SBNO1: variants seen among roughly 807,000 people sequenced by gnomAD.
The protein encoded by SBNO1 is protein strawberry notch homolog 1.
In SBNO1, 23 loss-of-function variants were observed where a neutral mutation model predicts 173.6. That is an observed-to-expected ratio of 0.13 (90% CI 0.10 to 0.19). The LOEUF is 0.19. Ranked by LOEUF, SBNO1 falls within the 10% of genes least tolerant of loss-of-function variation. The probability of loss-of-function intolerance (pLI) is 1.00; values close to 1 mark genes in which losing one functional copy is unlikely to be tolerated. For missense variants in SBNO1, 1,238 were observed against 1,671.2 expected (o/e 0.74, Z 4.52); for synonymous variants, 632 against 571.5 (o/e 1.11, Z -1.51).
At chr12:123,298,927 A>G (rs1220989747) in intron 30 of SBNO1, among the ~76,000 whole-genome samples, 2 of 152,166 alleles carry the variant, frequency 1.3e-5, no homozygotes, top group Non-Finnish European at 2.9e-5. Context: ...CTATCTCTAC[A>G]AAAAGTTTAA....
At chr12:123,351,528 GGC>G in intron 1 of SBNO1, among the ~76,000 whole-genome samples, 2 of 151,844 alleles carry the variant, frequency 1.3e-5, no homozygotes, top group Non-Finnish European at 2.9e-5. Flanking sequence ...TTGGGAGGAT[GGC>G]TTAAGCCCAG....
chr12:123,340,156 G>C (rs1284467173), intron 5 of SBNO1, among the ~76,000 whole-genome samples: 2 of 152,044 alleles, frequency 1.3e-5, no homozygotes, highest in Non-Finnish European at 2.9e-5. Context: ...GCTTACTGAA[G>C]GTAGAATCAT....
Position 123,362,118 on chromosome 12 carries a change from CGA to C in SBNO1, c.-1+2581_-1+2582del, listed in dbSNP as rs1491577211. 2.7e-5 allele frequency among the ~76,000 whole-genome samples: 4 copies of C among 148,654 alleles called. No individual in the cohort carries two copies. The Admixed American group carries it at 2.7e-4, about 10-fold the overall frequency. On this transcript the variant is annotated intron_variant, in intron 1 of 31. Coordinates refer to ENST00000602398, the MANE Select transcript of SBNO1 (RefSeq NM_001167856.3). The stretch of plus-strand genomic sequence containing the variant: ...TTATGACACCGCACTCCAGCCTGGG[CGA>C]GAGAGCGAGACTCCACCTCAAAAAA...
At position 123,334,211 on chromosome 12, in the gene SBNO1, T is replaced by C; in HGVS notation, c.751A>G (p.Lys251Glu). 1 of 1,552,008 alleles carries C rather than the reference T, an allele frequency of 6.4e-7. No individual in the cohort carries two copies. The highest frequency in any genetic ancestry group is 8.7e-7 in the Non-Finnish European group (1 of 1,151,686). The stretch of plus-strand genomic sequence containing the variant: ...GCATCTGGATGACGTAGGCCAATTT[T>C]TACTAAACAAAAATGTAAAAACATT... ...TYAEYMPIKL[K>E]IGLRHPDAVV... The change falls in exon 7 of 32, where the codon AAA becomes GAA. Residue 251 changes from lysine (K) to glutamate (E), a missense_variant and splice_region_variant. Lys to Glu is a moderately conservative substitution (Grantham distance 56, BLOSUM62 1). Transcript: ENST00000602398.
chr12:123,335,571 G>T (rs1022220890), intron 6 of SBNO1, among the ~76,000 whole-genome samples: 1 of 152,206 alleles, frequency 6.6e-6, no homozygotes, highest in African/African-American at 2.4e-5. Flanking sequence ...AGCTTTTTCT[G>T]TAAAGGGTCA....
At chr12:123,296,839 G>A (rs113476796) in intron 31 of SBNO1, among the ~76,000 whole-genome samples, 7,165 of 150,850 alleles carry the variant, frequency 0.047, 294 homozygotes, top group East Asian at 0.25. Context: ...GATTATAGGT[G>A]TGAGCCACCG....
At chr12:123,309,185 A>G (rs1175659155) in intron 28 of SBNO1, 125 bp downstream of exon 28, 1 of 702,908 alleles carries the variant, frequency 1.4e-6, no homozygotes, top group Non-Finnish European at 2.5e-6. Context: ...AATTACAATG[A>G]TAAATTACCA....
intron 15 of SBNO1, among the ~76,000 whole-genome samples, chr12:123,324,092 A>C (rs1870316530): frequency 6.6e-6 from 1 of 152,216 alleles, no homozygotes; most frequent in Non-Finnish European, 1.5e-5. Context: ...AACTAATTTT[A>C]ATAATACATT....
Position 123,328,862 on chromosome 12 carries a change from C to T in SBNO1, c.1168G>A (p.Gly390Arg). ...AAAATAACACCCTTTTTCACACTCC[C>T]ATTATGTTTGGAAGAAATTTTTCCG... ...KYGKISSKHN[G>R]SVKKGVIFAT... Residue 390 changes from glycine to arginine, a missense_variant, in exon 10 of 32, where the codon GGG becomes AGG. Transcript: ENST00000602398. 6.3e-7 allele frequency: 1 copy of T among 1,585,240 alleles called. No individual in the cohort carries two copies. The highest frequency in any genetic ancestry group is 8.6e-7 in the Non-Finnish European group (1 of 1,164,898).
At chr12:123,299,549 C>T (rs578018283) in intron 30 of SBNO1, among the ~76,000 whole-genome samples, 14 of 151,414 alleles carry the variant, frequency 9.2e-5, no homozygotes, top group African/African-American at 2.7e-4. Context: ...GGTGTGGTGG[C>T]GGGCACCTGT....
rs1412296879 is a variant in SBNO1, at chr12:123,327,436, G to A, written c.1682C>T (p.Ala561Val). The change falls in exon 13 of 32, where the codon GCT becomes GTT. Residue 561 changes from alanine to valine, a missense_variant. This residue lies in a region of SBNO1 where 182 missense variants were observed against 339.9 expected (regional missense o/e 0.54). Transcript: ENST00000602398. ...SQSYVKMYNKAVKLWVIARER... is the reference protein window; with the variant it reads ...SQSYVKMYNKVVKLWVIARER... Reference sequence around the variant, plus strand: ...AGAAAAATTCCTCACCAGCTTGACAGCTTTGTTATACATTTTAACGTAGCT... The same window carrying A: ...AGAAAAATTCCTCACCAGCTTGACAACTTTGTTATACATTTTAACGTAGCT... 7 of 1,611,246 alleles carry A rather than the reference G, an allele frequency of 4.3e-6. No homozygotes were observed. Among genetic ancestry groups the A allele is most frequent in the Non-Finnish European group, 5.9e-6 (7 of 1,179,084 alleles).
chr12:123,320,925 A>C, intron 17 of SBNO1, 59 bp from the exon 18 acceptor site: 1 of 1,315,060 alleles, frequency 7.6e-7, no homozygotes, highest in East Asian at 2.4e-5. Flanking sequence ...CAGAATCTTC[A>C]AAGGAAACAA....
chr12:123,296,633 T>G (rs1335012225), intron 31 of SBNO1, among the ~76,000 whole-genome samples: 1 of 151,728 alleles, frequency 6.6e-6, no homozygotes, highest in Non-Finnish European at 1.5e-5. Context: ...CAATCTTGGC[T>G]CATTGCAACC....
At chr12:123,332,705 T>C (rs1418524810) in intron 7 of SBNO1, among the ~76,000 whole-genome samples, 1 of 151,924 alleles carries the variant, frequency 6.6e-6, no homozygotes, top group East Asian at 1.9e-4. Flanking sequence ...TAGATGGCAC[T>C]AGAGGTGTGT....
At chr12:123,337,854 C>T (rs901334004) in intron 5 of SBNO1, among the ~76,000 whole-genome samples, 9 of 152,190 alleles carry the variant, frequency 5.9e-5, no homozygotes, top group Non-Finnish European at 1.3e-4. Flanking sequence ...TAAGCAGCCT[C>T]CTTTCTCCCT....
intron 9 of SBNO1, among the ~76,000 whole-genome samples, chr12:123,329,198 T>C (rs1169142378): frequency 2.0e-5 from 3 of 151,916 alleles, no homozygotes; most frequent in Non-Finnish European, 2.9e-5. Context: ...CTGGCCAACA[T>C]AGTGAAACCC....
intron 24 of SBNO1, among the ~76,000 whole-genome samples, chr12:123,313,144 G>A (rs1008458206): frequency 6.6e-6 from 1 of 151,478 alleles, no homozygotes; most frequent in Non-Finnish European, 1.5e-5. Flanking sequence ...AGAGGTTGCA[G>A]TGAGCCGAGA....
In SBNO1 at chr12:123,298,053, G is replaced by T. The variant is rs1271698107; in HGVS notation, c.3964C>A (p.Leu1322Ile). The change falls in exon 31 of 32, where the codon CTA (leucine) becomes ATA (isoleucine). Residue 1322 changes from leucine (L) to isoleucine (I), a missense_variant. Physicochemically the swap from Leu to Ile is conservative, Grantham distance 5 (BLOSUM62 2). Around this residue, in one of 14 missense-constraint regions of SBNO1, gnomAD observed 351 missense variants for 420.3 expected, o/e 0.84. Transcript: ENST00000602398. ...ACGTTTGTGCCACTGACAGATGCTA[G>T]AACACCCTCAACTTTTGTCCAGACA... Reference protein sequence around the residue: ...LSVWTKVEGVLASVSGTNVKM... With the variant: ...LSVWTKVEGVIASVSGTNVKM... The T allele has an allele frequency of 6.2e-7, 1 of 1,613,952 alleles. No homozygotes were observed. The highest frequency in any genetic ancestry group is 8.5e-7 in the Non-Finnish European group (1 of 1,179,982).
At chr12:123,352,171 T>C (rs1684512609) in intron 1 of SBNO1, among the ~76,000 whole-genome samples, 1 of 152,228 alleles carries the variant, frequency 6.6e-6, no homozygotes, top group Admixed American at 6.5e-5. Flanking sequence ...CAAACATACT[T>C]ATGAAAAATC....
Sources: allele counts gnomAD v4.1 joint callset (sites outside exome capture counted in the v4.1 genomes callset), GRCh38; gene constraint gnomAD v4.1.1; regional missense constraint gnomAD v4.1.1; transcripts MANE v1.5; gene names NCBI Gene and HGNC (gene_info 2026-07-23, HGNC 2026-07-21).